KCNMA1: variants seen among roughly 807,000 people sequenced by gnomAD.
The protein encoded by KCNMA1 is Calcium-activated potassium channel subunit alpha-1.
In KCNMA1, 29 loss-of-function variants were observed where a neutral mutation model predicts 140.0. The observed-to-expected ratio is 0.21, with a 90% CI of 0.15 to 0.28. KCNMA1 has a LOEUF of 0.28. KCNMA1 is among the 10% of genes least tolerant of loss of function. KCNMA1 has a pLI of 1.00. For synonymous variants in KCNMA1, 612 were observed against 611.9 expected (o/e 1.00, Z 0.00); for missense variants, 880 against 1,602.2 (o/e 0.55, Z 7.70).
intron 3 of KCNMA1, among the ~76,000 whole-genome samples, chr10:77,236,242 G>T (rs993672822): frequency 1.3e-5 from 2 of 152,218 alleles, no homozygotes; most frequent in East Asian, 1.9e-4. Context: ...AGGAGATAAT[G>T]AAAGCACCAT....
chr10:77,573,982 C>T (rs756836510), intron 1 of KCNMA1, among the ~76,000 whole-genome samples: 20 of 151,924 alleles, frequency 1.3e-4, no homozygotes, highest in Non-Finnish European at 2.6e-4. Context: ...GGACTACATG[C>T]GTGTGCCAAT....
rs2045413246 is a variant in KCNMA1, at chr10:77,209,810, A to C, written c.603-24894T>G. 2.0e-5 allele frequency among the ~76,000 whole-genome samples: 3 copies of C among 152,210 alleles called. 1 individual carries two copies. The South Asian group carries it at 6.2e-4, about 32-fold the overall frequency. ...ATAAATTAGGAAATCTAGAGGAGAT[A>C]GATAAATTCCTGGAAACACACAACC... On this transcript the variant is annotated intron_variant, in intron 3 of 27. Transcript: ENST00000286628.
chr10:76,992,167 T>C (rs149091643), intron 19 of KCNMA1, among the ~76,000 whole-genome samples: 1 of 152,156 alleles, frequency 6.6e-6, no homozygotes, highest in Admixed American at 6.5e-5. Context: ...TTTCTTGCTG[T>C]TTCCCTTGAA....
At chr10:77,339,402 A>C (rs1170447703) in intron 2 of KCNMA1, among the ~76,000 whole-genome samples, 1 of 152,190 alleles carries the variant, frequency 6.6e-6, no homozygotes, top group Non-Finnish European at 1.5e-5. Context: ...AATTGGCTAC[A>C]GGGAAAGCAG....
At position 77,235,056 on chromosome 10, in the gene KCNMA1, C is replaced by T. The variant is rs184891659; in HGVS notation, c.602+16139G>A. 7.2e-5 allele frequency among the ~76,000 whole-genome samples: 11 copies of T among 152,262 alleles called. No individual in the cohort carries two copies. In the East Asian group the frequency reaches 1.4e-3, roughly 19 times the overall value. Reference sequence around the variant, plus strand: ...CTGGGTGCTATCAGGTTGCCTCCTACGAGAAGATGAATTTTGGAAGAAGCA... The same window carrying T: ...CTGGGTGCTATCAGGTTGCCTCCTATGAGAAGATGAATTTTGGAAGAAGCA... On this transcript the variant is annotated intron_variant, in intron 3 of 27. Coordinates refer to ENST00000286628, the MANE Select transcript of KCNMA1 (RefSeq NM_001161352.2).
intron 1 of KCNMA1, among the ~76,000 whole-genome samples, chr10:77,577,472 G>A (rs920090111): frequency 6.6e-6 from 1 of 152,116 alleles, no homozygotes; most frequent in Non-Finnish European, 1.5e-5. Context: ...CCAAGATCCA[G>A]GTTTCTATGC....
intron 4 of KCNMA1, among the ~76,000 whole-genome samples, 157 bp from the exon 5 acceptor site, chr10:77,183,689 G>C (rs1459612396): frequency 1.3e-5 from 2 of 152,194 alleles, no homozygotes; most frequent in South Asian, 4.1e-4. Flanking sequence ...ATTTCACCAT[G>C]TTGGCCAGGC....
At chr10:77,160,912 A>G (rs2098547039) in intron 5 of KCNMA1, among the ~76,000 whole-genome samples, 1 of 152,130 alleles carries the variant, frequency 6.6e-6, no homozygotes, top group South Asian at 2.1e-4. Context: ...TGACTCAACA[A>G]CTCATAATTT....
At chr10:76,896,992 G>T (rs566527895) in intron 25 of KCNMA1, among the ~76,000 whole-genome samples, 1 of 145,336 alleles carries the variant, frequency 6.9e-6, no homozygotes, top group African/African-American at 2.6e-5. Context: ...AAGGAGCCAT[G>T]AGTATTAGAG....
chr10:77,630,357 G>C (rs1301780289), intron 1 of KCNMA1, among the ~76,000 whole-genome samples: 1 of 152,194 alleles, frequency 6.6e-6, no homozygotes, highest in Non-Finnish European at 1.5e-5. Context: ...ACTGGCACGA[G>C]GAAGAGCCCA....
chr10:77,555,573 G>A (rs566366824), intron 1 of KCNMA1, among the ~76,000 whole-genome samples: 106 of 152,248 alleles, frequency 7.0e-4, no homozygotes, highest in African/African-American at 2.4e-3. Flanking sequence ...TAGTTCAGCC[G>A]ACTTAGAAAA....
At chr10:76,969,300 G>GGGAAGGAAGGAAGGAAGGAA (rs150214377) in intron 20 of KCNMA1, among the ~76,000 whole-genome samples, 7 of 109,288 alleles carry the variant, frequency 6.4e-5, no homozygotes, top group Admixed American at 2.0e-4. Flanking sequence ...GAAGGAAGGA[G>GGGAAGGAAGGAAGGAAGGAA]GGAAGGAAGG....
At chr10:77,388,712 T>G (rs998274507) in intron 2 of KCNMA1, among the ~76,000 whole-genome samples, 1 of 152,226 alleles carries the variant, frequency 6.6e-6, no homozygotes, top group Non-Finnish European at 1.5e-5. Flanking sequence ...CCAGAGGCTG[T>G]TTCTGAGAGT....
Position 77,082,787 on chromosome 10 carries a change from C to T in KCNMA1, c.1523+1850G>A, listed in dbSNP as rs550844313. On this transcript the variant is annotated intron_variant, in intron 12 of 27. Coordinates refer to ENST00000286628, the MANE Select transcript of KCNMA1 (RefSeq NM_001161352.2). ...CAAGCCCAAAGCTTAGAAGAGTTCA[C>T]GCATCCACTTCCTTAAAATGACCTC... Among the ~76,000 whole-genome samples, 4 of 152,270 alleles carry T rather than the reference C, an allele frequency of 2.6e-5. No homozygotes were observed. In the South Asian group the frequency reaches 6.2e-4, roughly 24 times the overall value.
intron 5 of KCNMA1, among the ~76,000 whole-genome samples, chr10:77,150,412 AG>A (rs1429729118): frequency 6.6e-6 from 1 of 152,244 alleles, no homozygotes; most frequent in Non-Finnish European, 1.5e-5. Flanking sequence ...GCAAAGGGAA[AG>A]AATCCAGATA....
At chr10:76,903,917 A>C (rs1590066023) in intron 25 of KCNMA1, 1 of 152,252 alleles carries the variant, frequency 6.6e-6, no homozygotes, top group South Asian at 2.1e-4. Flanking sequence ...TCTTCTGGGT[A>C]CCCCAACTCA....
chr10:77,171,713 C>T (rs2098710118), intron 5 of KCNMA1, among the ~76,000 whole-genome samples: 1 of 152,094 alleles, frequency 6.6e-6, no homozygotes, highest in Admixed American at 6.6e-5. Flanking sequence ...ATTCCTCAGC[C>T]CTACCTTTCA....
intron 5 of KCNMA1, among the ~76,000 whole-genome samples, chr10:77,148,016 A>G (rs866433116): frequency 6.6e-6 from 1 of 151,974 alleles, no homozygotes; most frequent in African/African-American, 2.4e-5. Flanking sequence ...CAGGCACAAC[A>G]TGTAAGGAGG....
intron 9 of KCNMA1, among the ~76,000 whole-genome samples, chr10:77,096,081 T>C (rs2153812031): frequency 6.6e-6 from 1 of 152,348 alleles, no homozygotes; most frequent in African/African-American, 2.4e-5. Flanking sequence ...GAATAGCCCT[T>C]GGCAATTGTT....
Sources: gnomAD v4.1 joint callset for allele counts (sites outside exome capture counted in the v4.1 genomes callset) on GRCh38, gnomAD v4.1.1 for gene constraint, MANE v1.5 for transcripts, NCBI Gene and HGNC (gene_info 2026-07-23, HGNC 2026-07-21) for gene names.